Variants in KAZN observed in about 807,000 individuals in gnomAD.
KAZN encodes kazrin, periplakin interacting protein.
In KAZN, 40 loss-of-function variants were observed where a neutral mutation model predicts 87.4. The observed-to-expected ratio is 0.46, with a 90% CI of 0.36 to 0.60. The LOEUF is 0.60. Ranked by LOEUF, KAZN falls within the 20% of genes least tolerant of loss-of-function variation. The pLI, the probability that KAZN is intolerant of heterozygous loss-of-function variation, is 0.00. For missense variants in KAZN, 898 were observed against 1,073.9 expected, an observed-to-expected ratio of 0.84 and a Z score of 2.29; for synonymous variants, 466 against 458.3, an observed-to-expected ratio of 1.02 and a Z score of -0.22.
At chr1:14,509,663 A>G (rs942827910) in intron 2 of KAZN, among the ~76,000 whole-genome samples, 9 of 152,216 alleles carry the variant, frequency 5.9e-5, no homozygotes, top group Admixed American at 3.9e-4. Context: ...CCTGTGTCTG[A>G]CACTGGAGAT....
At chr1:14,846,566 A>G in intron 1 of KAZN, among the ~76,000 whole-genome samples, 1 of 152,202 alleles carries the variant, frequency 6.6e-6, no homozygotes, top group East Asian at 1.9e-4. Context: ...AGGCTGACAC[A>G]AGAACACATA....
rs942881509 is a variant in KAZN, at chr1:14,184,395, C to T, written c.249+3803C>T. ...AATTACATTCTGCATTTTTCACTTC[C>T]TTCTCTTCCTTCCCTTTCCTGTTCT... On this transcript the variant is annotated intron_variant, in intron 2 of 16. Transcript: ENST00000636203. The surrounding 1 kb of genome is among the most constrained non-coding windows in gnomAD (Gnocchi z 4.2). Among the ~76,000 whole-genome samples, 6 of 152,118 alleles carry T rather than the reference C, an allele frequency of 3.9e-5. No homozygotes were observed. The highest frequency in any genetic ancestry group is 7.4e-5 in the Non-Finnish European group (5 of 68,014).
chr1:14,287,953 A>G (rs1422212300), intron 2 of KAZN, among the ~76,000 whole-genome samples: 1 of 151,926 alleles, frequency 6.6e-6, no homozygotes, highest in Non-Finnish European at 1.5e-5. Flanking sequence ...GTTTTTGTTG[A>G]TGGTTGTGTT....
intron 1 of KAZN, among the ~76,000 whole-genome samples, chr1:13,975,697 A>T (rs556481357): frequency 6.6e-6 from 1 of 152,206 alleles, no homozygotes; most frequent in African/African-American, 2.4e-5. Flanking sequence ...GGTAGATAGT[A>T]TTGACTCAAT....
At chr1:14,772,928 T>A (rs1191622178) in intron 1 of KAZN, among the ~76,000 whole-genome samples, 1 of 152,086 alleles carries the variant, frequency 6.6e-6, no homozygotes, top group Non-Finnish European at 1.5e-5. Flanking sequence ...GGGTTTCCCG[T>A]GCCTGGGGTG....
intron 2 of KAZN, among the ~76,000 whole-genome samples, chr1:14,369,362 T>G (rs1660283520): frequency 6.6e-6 from 1 of 152,162 alleles, no homozygotes; most frequent in African/African-American, 2.4e-5. Context: ...GTATTTACCT[T>G]AAAGGATGTG....
At chr1:14,077,269 C>T (rs1214048683) in intron 1 of KAZN, among the ~76,000 whole-genome samples, 3 of 152,060 alleles carry the variant, frequency 2.0e-5, no homozygotes, top group African/African-American at 4.8e-5. Context: ...GCCAAGATGC[C>T]GTTGGTGGGA....
intron 1 of KAZN, among the ~76,000 whole-genome samples, chr1:13,976,571 G>A (rs1638368178): frequency 6.6e-6 from 1 of 151,790 alleles, no homozygotes; most frequent in Non-Finnish European, 1.5e-5. Context: ...GGCAAACTCA[G>A]TTCTCATTGG....
rs538442199 is a variant in KAZN, at chr1:15,043,882, A to G, written c.556-107A>G. 6.9e-4 allele frequency: 782 copies of G among 1,126,732 alleles called. 1 individual carries two copies. The highest frequency in any genetic ancestry group is 1.1e-3 in the South Asian group (58 of 55,052). 69.8% of individuals were successfully genotyped at this position (1,126,732 alleles called of 1,614,324 possible). A position where few individuals can be genotyped will look rare whatever the true frequency, so the allele number is the denominator to read the frequency against. ...ATGGTCTCAATCTCCTGACCTCGTGACCCCACTTCTTTTTCCATCTAGGAG... is the reference window on the plus strand; with the variant it reads ...ATGGTCTCAATCTCCTGACCTCGTGGCCCCACTTCTTTTTCCATCTAGGAG... On this transcript the variant is annotated intron_variant, in intron 3 of 14. Transcript: ENST00000376030.
chr1:13,944,727 A>G (rs1641070083), intron 1 of KAZN, among the ~76,000 whole-genome samples: 1 of 152,212 alleles, frequency 6.6e-6, no homozygotes, highest in Non-Finnish European at 1.5e-5. Flanking sequence ...AGAAGGGTGA[A>G]AAATGTGTAA....
At chr1:14,598,674 C>T, upstream of KAZN, 4 of 1,268,694 alleles carry the variant, frequency 3.2e-6, no homozygotes, top group African/African-American at 1.6e-5. This position sits in a 1 kb window ranked among gnomAD's most constrained non-coding sequence, Gnocchi z 4.2. Flanking sequence ...TGCCTGGTGG[C>T]GCGCGGTGTC....
chr1:14,245,589 C>T (rs1649424139), intron 2 of KAZN, among the ~76,000 whole-genome samples: 1 of 151,996 alleles, frequency 6.6e-6, no homozygotes, highest in African/African-American at 2.4e-5. Context: ...TGTCCAAGTA[C>T]ATCTTTGAGA....
chr1:14,103,141 G>T (rs898584239), intron 1 of KAZN, among the ~76,000 whole-genome samples: 1 of 152,006 alleles, frequency 6.6e-6, no homozygotes, highest in African/African-American at 2.4e-5. Context: ...GGCTGGTCTC[G>T]AACTCCTGGC....
At chr1:14,508,991 C>T (rs1017540918) in intron 2 of KAZN, among the ~76,000 whole-genome samples, 1 of 152,108 alleles carries the variant, frequency 6.6e-6, no homozygotes, top group Non-Finnish European at 1.5e-5. Flanking sequence ...GAGCTAAGGG[C>T]TTATTGGAAC....
chr1:14,081,849 C>G (rs1186616351), intron 1 of KAZN, among the ~76,000 whole-genome samples: 1 of 152,180 alleles, frequency 6.6e-6, no homozygotes, highest in Non-Finnish European at 1.5e-5. Flanking sequence ...ACCTTCCGGG[C>G]TAGATCAATC....
intron 8 of KAZN, chr1:15,067,798 G>A (rs1461203946): frequency 1.6e-5 from 16 of 985,034 alleles, no homozygotes; most frequent in African/African-American, 8.8e-5. Flanking sequence ...GACGGGGAGC[G>A]ACCCAAGCTG....
chr1:14,031,551 C>T (rs989231988), intron 1 of KAZN, among the ~76,000 whole-genome samples: 4 of 152,192 alleles, frequency 2.6e-5, no homozygotes, highest in Admixed American at 6.5e-5. Flanking sequence ...TGTTTTAGGA[C>T]ATTCACCATT....
intron 13 of KAZN, among the ~76,000 whole-genome samples, chr1:15,109,027 A>G (rs1224478182): frequency 1.3e-5 from 2 of 152,186 alleles, no homozygotes. Context: ...CTGGAGGCCA[A>G]GGTCACCCCG....
intron 2 of KAZN, among the ~76,000 whole-genome samples, chr1:14,361,713 C>T (rs1659529241): frequency 6.6e-6 from 1 of 152,248 alleles, no homozygotes; most frequent in Non-Finnish European, 1.5e-5. Context: ...CTGTGGGCTG[C>T]ACCCACTGTC....
Sources: allele counts gnomAD v4.1 joint callset (sites outside exome capture counted in the v4.1 genomes callset), GRCh38; gene constraint gnomAD v4.1.1; non-coding constraint Gnocchi (gnomAD v3.1); transcripts MANE v1.5; gene names NCBI Gene and HGNC (gene_info 2026-07-23, HGNC 2026-07-21).